Variants in VIPR1 observed in about 807,000 individuals in gnomAD.
VIPR1 encodes the protein vasoactive intestinal polypeptide receptor 1.
In VIPR1, 59 loss-of-function variants were observed where a neutral mutation model predicts 58.8. The observed-to-expected ratio is 1.00, with a 90% confidence interval of 0.81 to 1.25. VIPR1 has a LOEUF of 1.25. VIPR1 is among the 50% of genes most tolerant of loss of function. The pLI, the probability that VIPR1 is intolerant of heterozygous loss-of-function variation, is 0.00. For missense variants in VIPR1, 626 were observed against 602.7 expected (o/e 1.04, Z -0.40); for synonymous variants, 251 against 242.1 (o/e 1.04, Z -0.34).
At chr3:42,523,142 C>G (rs906188206) in intron 3 of VIPR1, among the ~76,000 whole-genome samples, 9 of 152,096 alleles carry the variant, frequency 5.9e-5, no homozygotes, top group African/African-American at 2.2e-4. Context: ...TGCTACCTCC[C>G]TCCTGCCCTT....
intron 5 of VIPR1, 47 bp from the exon 6 acceptor site, chr3:42,527,944 G>C: frequency 6.3e-7 from 1 of 1,598,500 alleles, no homozygotes; most frequent in Non-Finnish European, 8.5e-7. Context: ...GGCTGGGGTG[G>C]GGATCCAAGG....
At chr3:42,492,180 C>T (rs1308527810) in intron 1 of VIPR1, 1 of 152,052 alleles carries the variant, frequency 6.6e-6, no homozygotes, top group Non-Finnish European at 1.5e-5. Context: ...GCCCACCCTC[C>T]TCATCCTTCC....
intron 2 of VIPR1, among the ~76,000 whole-genome samples, chr3:42,515,754 C>T (rs1700592685): frequency 6.6e-6 from 1 of 152,290 alleles, no homozygotes; most frequent in Middle Eastern, 3.4e-3. Context: ...CCTCTGGGGT[C>T]TATAGCTCTG....
intron 3 of VIPR1, among the ~76,000 whole-genome samples, chr3:42,523,600 C>T (rs916045069): frequency 8.0e-6 from 1 of 124,590 alleles, no homozygotes; most frequent in African/African-American, 3.5e-5. Context: ...AACACCTCCG[C>T]CACTACACAC....
upstream of VIPR1, chr3:42,502,623 G>A (rs917558184): frequency 2.4e-6 from 2 of 820,310 alleles, no homozygotes; most frequent in East Asian, 7.4e-5. Context: ...TCTTAGCTCT[G>A]GGGCCACAGC....
intron 1 of VIPR1, chr3:42,508,108 A>G (rs1700202362): frequency 6.6e-6 from 1 of 152,284 alleles, no homozygotes; most frequent in African/African-American, 2.4e-5. Context: ...GTCAGTGGGT[A>G]GGACCTTCAG....
At chr3:42,490,789 A>G (rs1699652268) in intron 1 of VIPR1, among the ~76,000 whole-genome samples, 1 of 152,178 alleles carries the variant, frequency 6.6e-6, no homozygotes, top group Non-Finnish European at 1.5e-5. Context: ...GTGGGGAGCC[A>G]TGGGAATACC....
Position 42,530,899 on chromosome 3 carries a change from A to G in VIPR1, c.757A>G (p.Lys253Glu). The G allele has an allele frequency of 1.2e-6, 2 of 1,614,000 alleles. No homozygotes were observed. The highest frequency in any genetic ancestry group is 1.1e-5 in the South Asian group (1 of 91,066). ...LLAVSFFSER[K>E]YFWGYILIGW... ...TGCCGTCTCCTTCTTCTCTGAGCGG[A>G]AGTACTTCTGGGGGTACATACTCAT... The change falls in exon 7 of 13, where the codon AAG (lysine) becomes GAG (glutamate). Residue 253 changes from lysine to glutamate, a missense_variant. Physicochemically the swap from Lys to Glu is moderately conservative, Grantham distance 56. Transcript: ENST00000325123.
At chr3:42,510,773 A>C (rs1332366791) in intron 1 of VIPR1, among the ~76,000 whole-genome samples, 1 of 152,102 alleles carries the variant, frequency 6.6e-6, no homozygotes, top group Non-Finnish European at 1.5e-5. Flanking sequence ...CATAAACACC[A>C]CAGGCTTCGG....
intron 2 of VIPR1, among the ~76,000 whole-genome samples, chr3:42,514,648 T>C (rs533142348): frequency 1.3e-5 from 2 of 151,592 alleles, no homozygotes; most frequent in Non-Finnish European, 2.9e-5. Flanking sequence ...CCACCCTTAG[T>C]GGCCAGATGA....
At position 42,502,799 on chromosome 3, in the gene VIPR1, G is replaced by A; in HGVS notation, c.64G>A (p.Ala22Thr). The part of the protein sequence containing the change: ...LCVLAGALAW[A>T]LGPAGGQAAR... Reference sequence around the variant, plus strand: ...CGTGCTGGCAGGCGCCCTCGCCTGGGCCCTTGGGCCGGCGGTGAGTGTTCG... The same window carrying A: ...CGTGCTGGCAGGCGCCCTCGCCTGGACCCTTGGGCCGGCGGTGAGTGTTCG... The change falls in exon 1 of 13, where the codon GCC becomes ACC. Residue 22 changes from alanine (A) to threonine (T), a missense_variant. Ala to Thr is a moderately conservative substitution (Grantham distance 58). Coordinates refer to ENST00000325123, the MANE Select transcript of VIPR1 (RefSeq NM_004624.4). The A allele has an allele frequency of 7.9e-7, 1 of 1,271,452 alleles. No homozygotes were observed. Among genetic ancestry groups the A allele is most frequent in the South Asian group, 2.7e-5 (1 of 36,674 alleles). 78.8% of individuals were successfully genotyped at this position (1,271,452 alleles called of 1,614,324 possible). A position where few individuals can be genotyped will look rare whatever the true frequency, so the allele number is the denominator to read the frequency against.
chr3:42,520,894 A>G (rs1700883234), intron 3 of VIPR1, among the ~76,000 whole-genome samples: 1 of 152,084 alleles, frequency 6.6e-6, no homozygotes, highest in African/African-American at 2.4e-5. Flanking sequence ...GGAGGGTCAC[A>G]GCCATGCCAT....
chr3:42,509,976 T>C (rs1236282600), intron 1 of VIPR1, among the ~76,000 whole-genome samples: 4 of 152,208 alleles, frequency 2.6e-5, no homozygotes, highest in African/African-American at 9.6e-5. Context: ...TTGTAAAATG[T>C]GTATCCCCCA....
chr3:42,527,525 A>G, intron 5 of VIPR1, 29 bp downstream of exon 5: 1 of 1,606,918 alleles, frequency 6.2e-7, no homozygotes, highest in Non-Finnish European at 8.5e-7. Flanking sequence ...CACAGGCCTC[A>G]AAGCAAACCT....
chr3:42,503,604 G>C (rs551146885), intron 1 of VIPR1, among the ~76,000 whole-genome samples: 45 of 152,276 alleles, frequency 3.0e-4, no homozygotes, highest in African/African-American at 1.1e-3. Flanking sequence ...TGGCTTACCT[G>C]GGCTGGGAGG....
At chr3:42,502,147 C>T (rs1699891409), upstream of VIPR1, 1 of 152,280 alleles carries the variant, frequency 6.6e-6, no homozygotes, top group South Asian at 2.1e-4. Flanking sequence ...ACTTGCTGGG[C>T]CCCAGCTCGC....
At chr3:42,501,103 G>A (rs1332655744), upstream of VIPR1, among the ~76,000 whole-genome samples, 1 of 152,130 alleles carries the variant, frequency 6.6e-6, no homozygotes, top group Non-Finnish European at 1.5e-5. The surrounding 1 kb of genome is among the most constrained non-coding windows in gnomAD (Gnocchi z 4.8). Context: ...GGAGAGGGAG[G>A]AAAGGGAAAA....
chr3:42,535,721 G>T (rs1245749494), intron 12 of VIPR1, among the ~76,000 whole-genome samples: 1 of 152,128 alleles, frequency 6.6e-6, no homozygotes, highest in Non-Finnish European at 1.5e-5. Context: ...AGGGATGAGG[G>T]CTTCCAATGA....
chr3:42,495,384 G>A (rs562963999), intron 1 of VIPR1, among the ~76,000 whole-genome samples: 2 of 152,264 alleles, frequency 1.3e-5, no homozygotes, highest in South Asian at 2.1e-4. Flanking sequence ...GCCTCCCAAA[G>A]TGCTGGGATT....
Sources: gnomAD v4.1 joint callset for allele counts (sites outside exome capture counted in the v4.1 genomes callset) on GRCh38, gnomAD v4.1.1 for gene constraint, Gnocchi (gnomAD v3.1) non-coding constraint, MANE v1.5 for transcripts, NCBI Gene and HGNC (gene_info 2026-07-23, HGNC 2026-07-21) for gene names.